KCNIP1: variants seen among roughly 807,000 people sequenced by gnomAD.
KCNIP1 encodes the protein potassium voltage-gated channel interacting protein 1, also known as A-type potassium channel modulatory protein KCNIP1.
Under a neutral mutation model 33.0 loss-of-function variants are expected in KCNIP1, and 18 were observed. That is an observed-to-expected ratio of 0.55 (90% CI 0.38 to 0.81). The LOEUF (loss-of-function observed/expected upper bound fraction) is 0.81, where lower values mean the gene tolerates loss of function less well. Among genes scored for constraint, KCNIP1 ranks in the 30% least tolerant of loss-of-function variants. KCNIP1 has a pLI of 0.00. For missense variants in KCNIP1, 238 were observed against 271.6 expected, an observed-to-expected ratio of 0.88 and a Z score of 0.87; for synonymous variants, 93 against 98.3, an observed-to-expected ratio of 0.95 and a Z score of 0.32.
chr5:170,424,846 A>G (rs1224779479), intron 1 of KCNIP1, among the ~76,000 whole-genome samples: 2 of 152,230 alleles, frequency 1.3e-5, no homozygotes, highest in Non-Finnish European at 2.9e-5. Context: ...GCCTTTTATG[A>G]TATGGCCCCT....
chr5:170,542,648 T>C (rs1756255646), intron 1 of KCNIP1, among the ~76,000 whole-genome samples: 1 of 152,174 alleles, frequency 6.6e-6, no homozygotes, highest in Non-Finnish European at 1.5e-5. Flanking sequence ...AAACCCTATA[T>C]GTACTATGTT....
intron 1 of KCNIP1, among the ~76,000 whole-genome samples, chr5:170,403,966 GCCT>G (rs1257786010): frequency 8.5e-5 from 13 of 152,326 alleles, no homozygotes; most frequent in South Asian, 4.1e-4. Flanking sequence ...CCACTTCAGA[GCCT>G]GTGGGGAAGA....
intron 3 of KCNIP1, 79 bp from the exon 4 acceptor site, chr5:170,721,754 G>C: frequency 6.2e-7 from 1 of 1,613,908 alleles, no homozygotes. Flanking sequence ...CTTTCTTGTC[G>C]AAGCCCTGCC....
intron 1 of KCNIP1, among the ~76,000 whole-genome samples, chr5:170,440,073 T>C (rs1489224159): frequency 6.6e-6 from 1 of 152,206 alleles, no homozygotes; most frequent in Non-Finnish European, 1.5e-5. Flanking sequence ...CCTCATCCCA[T>C]GTGACTTGTA....
At chr5:170,430,901 C>T (rs1755725578) in intron 1 of KCNIP1, among the ~76,000 whole-genome samples, 1 of 152,226 alleles carries the variant, frequency 6.6e-6, no homozygotes, top group Non-Finnish European at 1.5e-5. Flanking sequence ...AGCCTGCCTC[C>T]TGGATCCCAG....
chr5:170,477,416 T>C (rs1308894759), intron 1 of KCNIP1, among the ~76,000 whole-genome samples: 1 of 151,928 alleles, frequency 6.6e-6, no homozygotes. Flanking sequence ...TTTCCTGGGT[T>C]GGCTTTTTTG....
chr5:170,407,716 G>A (rs1317410041), intron 1 of KCNIP1, among the ~76,000 whole-genome samples: 5 of 152,124 alleles, frequency 3.3e-5, no homozygotes, highest in Non-Finnish European at 5.9e-5. Flanking sequence ...CACCCAACAC[G>A]CTTCCTGAGG....
intron 1 of KCNIP1, among the ~76,000 whole-genome samples, chr5:170,589,822 G>A (rs1296047971): frequency 6.6e-6 from 1 of 152,108 alleles, no homozygotes; most frequent in African/African-American, 2.4e-5. Context: ...GCGGTGTGGT[G>A]TGGTATGGGT....
intron 1 of KCNIP1, chr5:170,375,692 G>C (rs915306877): frequency 6.6e-6 from 1 of 152,444 alleles, no homozygotes; most frequent in African/African-American, 2.4e-5. Context: ...CTCCAGGCTT[G>C]AGTCCTAGCC....
At chr5:170,552,272 G>A (rs1756675234) in intron 1 of KCNIP1, among the ~76,000 whole-genome samples, 1 of 152,180 alleles carries the variant, frequency 6.6e-6, no homozygotes, top group South Asian at 2.1e-4. Flanking sequence ...CAAGTCTGTG[G>A]CCAGGCACAG....
intron 1 of KCNIP1, among the ~76,000 whole-genome samples, chr5:170,455,102 T>C (rs1212053217): frequency 6.6e-6 from 1 of 152,128 alleles, no homozygotes; most frequent in East Asian, 1.9e-4. Flanking sequence ...GATAAATAAA[T>C]AGGCAGCTCA....
At chr5:170,441,887 G>A (rs1043290136) in intron 1 of KCNIP1, among the ~76,000 whole-genome samples, 1 of 146,814 alleles carries the variant, frequency 6.8e-6, no homozygotes, top group Admixed American at 7.1e-5. Flanking sequence ...AGGAGGCCGA[G>A]CTTGCAGTGA....
intron 1 of KCNIP1, chr5:170,383,420 C>T (rs1764332345): frequency 3.3e-6 from 2 of 602,760 alleles, no homozygotes; most frequent in Admixed American, 2.9e-5. Flanking sequence ...ATTAGCATTC[C>T]ACTTTACAAG....
At chr5:170,508,368 G>T (rs1385173478) in intron 1 of KCNIP1, among the ~76,000 whole-genome samples, 1 of 152,216 alleles carries the variant, frequency 6.6e-6, no homozygotes, top group Non-Finnish European at 1.5e-5. Flanking sequence ...GTTCCCGATA[G>T]TCCCATATTT....
intron 1 of KCNIP1, among the ~76,000 whole-genome samples, chr5:170,527,336 G>C (rs1292745530): frequency 6.6e-6 from 1 of 152,192 alleles, no homozygotes. Flanking sequence ...AATGTTTGCA[G>C]AGCTGAATTA....
chr5:170,454,676 T>G (rs1246440915), intron 1 of KCNIP1, among the ~76,000 whole-genome samples: 1 of 152,176 alleles, frequency 6.6e-6, no homozygotes, highest in Non-Finnish European at 1.5e-5. Flanking sequence ...GAAAAATGAG[T>G]AGGAAGTTGG....
chr5:170,387,421 G>A (rs1395927377), intron 1 of KCNIP1, among the ~76,000 whole-genome samples: 1 of 152,052 alleles, frequency 6.6e-6, no homozygotes, highest in African/African-American at 2.4e-5. Context: ...CCTTAGCCAG[G>A]CTGCCCTCAT....
intron 1 of KCNIP1, among the ~76,000 whole-genome samples, chr5:170,642,455 T>C (rs563777218): frequency 1.6e-3 from 247 of 152,292 alleles, no homozygotes; most frequent in Non-Finnish European, 2.7e-3. Flanking sequence ...CCTCTCCCAG[T>C]ACACAATCAT....
intron 1 of KCNIP1, among the ~76,000 whole-genome samples, chr5:170,696,582 C>T (rs1329544575): frequency 6.6e-6 from 1 of 152,168 alleles, no homozygotes; most frequent in Non-Finnish European, 1.5e-5. Flanking sequence ...TGTACAACTC[C>T]ATGGGCACCA....
Sources: allele counts gnomAD v4.1 joint callset (sites outside exome capture counted in the v4.1 genomes callset), GRCh38; gene constraint gnomAD v4.1.1; transcripts MANE v1.5; gene names NCBI Gene and HGNC (gene_info 2026-07-23, HGNC 2026-07-21).